Variants in IQGAP2 observed in about 807,000 individuals in gnomAD.
The protein encoded by IQGAP2 is ras GTPase-activating-like protein IQGAP2.
A neutral mutation model predicts 201.3 loss-of-function variants in IQGAP2; 173 were observed. That is an observed-to-expected ratio of 0.86 (90% confidence interval 0.76 to 0.98). The LOEUF (loss-of-function observed/expected upper bound fraction) is 0.98, where lower values mean the gene tolerates loss of function less well. Among genes scored for constraint, IQGAP2 ranks in the 50% least tolerant of loss-of-function variants. IQGAP2 has a pLI of 0.00. For synonymous variants in IQGAP2, 675 were observed against 673.9 expected (o/e 1.00, Z -0.03); for missense variants, 1,687 against 1,864.8 (o/e 0.90, Z 1.76).
intron 17 of IQGAP2, among the ~76,000 whole-genome samples, chr5:76,645,701 G>C (rs1056385884): frequency 1.4e-4 from 22 of 151,908 alleles, no homozygotes. Flanking sequence ...TCCCAGCCAA[G>C]CTGCCTTTGT....
intron 1 of IQGAP2, among the ~76,000 whole-genome samples, chr5:76,423,703 G>A (rs1202055149): frequency 6.6e-6 from 1 of 152,142 alleles, no homozygotes; most frequent in Non-Finnish European, 1.5e-5. Context: ...AGTGGGAAGA[G>A]TGCAGAAGTA....
chr5:76,474,130 T>C (rs1755275796), intron 2 of IQGAP2, among the ~76,000 whole-genome samples: 2 of 152,202 alleles, frequency 1.3e-5, no homozygotes, highest in Admixed American at 6.5e-5. Context: ...ATGGGGATAC[T>C]GAGGCTCAGA....
At chr5:76,490,611 G>T (rs1024207878) in intron 2 of IQGAP2, among the ~76,000 whole-genome samples, 1 of 152,134 alleles carries the variant, frequency 6.6e-6, no homozygotes, top group Non-Finnish European at 1.5e-5. Flanking sequence ...CAAGTGGGGC[G>T]GCCTGGCCAA....
intron 11 of IQGAP2, among the ~76,000 whole-genome samples, 181 bp downstream of exon 11, chr5:76,601,153 C>A (rs1170284464): frequency 6.6e-6 from 1 of 152,150 alleles, no homozygotes; most frequent in African/African-American, 2.4e-5. Context: ...TTCTGGGGAA[C>A]AAGAAGAATC....
intron 5 of IQGAP2, among the ~76,000 whole-genome samples, chr5:76,583,705 A>G (rs1746036120): frequency 6.6e-6 from 1 of 152,198 alleles, no homozygotes; most frequent in South Asian, 2.1e-4. Context: ...TTAATATTAC[A>G]TTGTACAATG....
intron 2 of IQGAP2, among the ~76,000 whole-genome samples, chr5:76,514,570 C>T (rs979264151): frequency 6.6e-6 from 1 of 152,162 alleles, no homozygotes; most frequent in East Asian, 1.9e-4. Context: ...GGGGAAAAAC[C>T]TTTGTTCATG....
intron 15 of IQGAP2, among the ~76,000 whole-genome samples, chr5:76,635,613 T>G (rs1048064643): frequency 1.3e-5 from 2 of 152,086 alleles, no homozygotes; most frequent in Non-Finnish European, 2.9e-5. Context: ...GCGGCTGAGG[T>G]GAGCGGATTG....
At chr5:76,559,855 G>T (rs1744236388) in intron 2 of IQGAP2, among the ~76,000 whole-genome samples, 1 of 152,150 alleles carries the variant, frequency 6.6e-6, no homozygotes, top group African/African-American at 2.4e-5. Flanking sequence ...CACTGAGTGT[G>T]GTGGGGGTTT....
chr5:76,699,054 T>C (rs940530657), intron 33 of IQGAP2, among the ~76,000 whole-genome samples: 18 of 152,178 alleles, frequency 1.2e-4, no homozygotes, highest in Non-Finnish European at 2.1e-4. Flanking sequence ...TTCACCACAC[T>C]GTGCAATAGA....
intron 1 of IQGAP2, among the ~76,000 whole-genome samples, chr5:76,440,966 GGTT>G (rs1379582279): frequency 6.6e-6 from 1 of 151,686 alleles, no homozygotes; most frequent in African/African-American, 2.4e-5. Flanking sequence ...AGGAGGTGAA[GGTT>G]GCAGTGAGCC....
intron 31 of IQGAP2, among the ~76,000 whole-genome samples, chr5:76,694,766 ATTG>A (rs1746576005): frequency 6.6e-6 from 1 of 152,216 alleles, no homozygotes; most frequent in Non-Finnish European, 1.5e-5. Flanking sequence ...GACTTCATCT[ATTG>A]GGTCAGTCAA....
At position 76,628,106 on chromosome 5, in the gene IQGAP2, A is replaced by G. The variant is rs1195156814; in HGVS notation, c.1612+606A>G. 3.9e-5 allele frequency among the ~76,000 whole-genome samples: 6 copies of G among 152,238 alleles called. No individual in the cohort carries two copies. The East Asian group carries it at 1.2e-3, about 29-fold the overall frequency. On this transcript the variant is annotated intron_variant, in intron 14 of 35. Transcript: ENST00000274364. ...GAAGGGAAGGCCAGGCCCCTTGAGG[A>G]AAAACTCAGCTACACTACCAAAAAT...
intron 15 of IQGAP2, among the ~76,000 whole-genome samples, chr5:76,632,924 T>G (rs1750823904): frequency 6.6e-6 from 1 of 152,180 alleles, no homozygotes. Flanking sequence ...TAAAATTCAG[T>G]TAATTTTCTG....
At chr5:76,531,250 T>C (rs1580391856) in intron 2 of IQGAP2, among the ~76,000 whole-genome samples, 2 of 152,072 alleles carry the variant, frequency 1.3e-5, no homozygotes, top group East Asian at 3.9e-4. Flanking sequence ...TCCTGCAAGC[T>C]TGCCTTTTTA....
chr5:76,448,988 C>G (rs1200303991), intron 1 of IQGAP2, among the ~76,000 whole-genome samples: 1 of 152,168 alleles, frequency 6.6e-6, no homozygotes, highest in Non-Finnish European at 1.5e-5. Flanking sequence ...CTGATCTTCT[C>G]ACTTTCATCT....
chr5:76,674,301 T>C (rs753438369), intron 26 of IQGAP2, among the ~76,000 whole-genome samples, 176 bp from the exon 27 acceptor site: 46 of 152,220 alleles, frequency 3.0e-4, no homozygotes, highest in Admixed American at 4.6e-4. Context: ...ATGCTATTAA[T>C]AATGTGTGAT....
rs569862309 is a variant in IQGAP2, at chr5:76,515,661, C to T, written c.147-46735C>T. Among the ~76,000 whole-genome samples, 16 of 152,330 alleles carry T rather than the reference C, an allele frequency of 1.1e-4. No homozygotes were observed. The South Asian group carries it at 3.3e-3, about 32-fold the overall frequency. The stretch of plus-strand genomic sequence containing the variant: ...AAAATTGTTTAAGTAAAGCACATTT[C>T]ACCAAGTTGAATTTCAGCTTGAGAG... On this transcript the variant is annotated intron_variant, in intron 2 of 35. Transcript: ENST00000274364.
chr5:76,533,991 T>C (rs1036639983), intron 2 of IQGAP2, among the ~76,000 whole-genome samples: 1 of 152,244 alleles, frequency 6.6e-6, no homozygotes, highest in Non-Finnish European at 1.5e-5. Flanking sequence ...GCACGATGAA[T>C]AATGACTTTG....
chr5:76,597,588 A>T lies in IQGAP2; in HGVS notation c.1057A>T (p.Lys353Ter), dbSNP rs1747126646. 2.5e-6 allele frequency: 4 copies of T among 1,613,830 alleles called. No homozygotes were observed. Among genetic ancestry groups the T allele is most frequent in the Non-Finnish European group, 3.4e-6 (4 of 1,179,968 alleles). The change falls in exon 10 of 36, where the codon AAA (lysine) becomes TAA (stop). Residue 353 changes from lysine (K) to a stop codon, truncating the protein, a stop_gained. Coordinates refer to ENST00000274364, the MANE Select transcript of IQGAP2 (RefSeq NM_006633.5). LOFTEE classifies it high-confidence loss of function. ...MYQNELFNLQKQNTMNYLAHE... is the reference protein window; with the variant it reads ...MYQNELFNLQ ...TCAGAACGAACTTTTCAACCTCCAG[A>T]AACAGAACACCATGGTAAGTCAGAG...
Sources: allele counts gnomAD v4.1 joint callset (sites outside exome capture counted in the v4.1 genomes callset), GRCh38; gene constraint gnomAD v4.1.1; transcripts MANE v1.5; gene names NCBI Gene and HGNC (gene_info 2026-07-23, HGNC 2026-07-21).